Variants in CDH13 observed in about 807,000 individuals in gnomAD.
CDH13 encodes cadherin 13.
A neutral mutation model predicts 63.8 loss-of-function variants in CDH13; 24 were observed. That is an observed-to-expected ratio of 0.38 (90% CI 0.27 to 0.53). The LOEUF (loss-of-function observed/expected upper bound fraction) is 0.53, where lower values mean the gene tolerates loss of function less well. Among genes scored for constraint, CDH13 ranks in the 20% least tolerant of loss-of-function variants. CDH13 has a pLI of 0.85. For synonymous variants in CDH13, 503 were observed against 355.3 expected (o/e 1.42, Z -4.67); for missense variants, 1,049 against 903.1 (o/e 1.16, Z -2.07).
chr16:83,518,130 A>G (rs2074741915), intron 7 of CDH13, among the ~76,000 whole-genome samples: 1 of 128,360 alleles, frequency 7.8e-6, no homozygotes, highest in South Asian at 2.6e-4. Flanking sequence ...GTGAGATATC[A>G]TGAGATGTGA....
At chr16:83,698,061 C>T (rs190618664) in intron 10 of CDH13, among the ~76,000 whole-genome samples, 146 of 152,336 alleles carry the variant, frequency 9.6e-4, no homozygotes, top group Admixed American at 9.3e-3. Context: ...CTTGAGGGCA[C>T]GGACCATGTT....
At chr16:83,243,391 A>G (rs1012435133) in intron 5 of CDH13, among the ~76,000 whole-genome samples, 1 of 152,184 alleles carries the variant, frequency 6.6e-6, no homozygotes, top group African/African-American at 2.4e-5. Context: ...TTCCCTTTAT[A>G]AAAGCATCAG....
chr16:83,554,923 T>A (rs1206823062), intron 7 of CDH13, among the ~76,000 whole-genome samples: 1 of 75,182 alleles, frequency 1.3e-5, no homozygotes, highest in Non-Finnish European at 3.7e-5. Flanking sequence ...CTGAATCTTT[T>A]TTTTTTTTTT....
intron 3 of CDH13, among the ~76,000 whole-genome samples, chr16:83,080,145 G>T (rs1456396076): frequency 1.3e-5 from 2 of 152,162 alleles, no homozygotes; most frequent in Non-Finnish European, 2.9e-5. Flanking sequence ...AGTAACAAGT[G>T]ATGTGATGAT....
chr16:83,170,525 A>G (rs891612996), intron 4 of CDH13, among the ~76,000 whole-genome samples: 5 of 152,094 alleles, frequency 3.3e-5, no homozygotes, highest in East Asian at 1.9e-4. Flanking sequence ...ATTCCACTCT[A>G]TCAGCCTTTG....
At chr16:83,347,946 C>G (rs1476001537) in intron 6 of CDH13, among the ~76,000 whole-genome samples, 1 of 152,082 alleles carries the variant, frequency 6.6e-6, no homozygotes, top group African/African-American at 2.4e-5. Flanking sequence ...AATCCCAGTA[C>G]TTTGGGAGGC....
At chr16:83,196,073 T>G (rs1421822035) in intron 4 of CDH13, among the ~76,000 whole-genome samples, 1 of 152,062 alleles carries the variant, frequency 6.6e-6, no homozygotes, top group East Asian at 1.9e-4. Flanking sequence ...CTGGCCAACA[T>G]GGTGAAACCG....
At chr16:83,312,330 T>C (rs2090018930) in intron 5 of CDH13, among the ~76,000 whole-genome samples, 1 of 152,002 alleles carries the variant, frequency 6.6e-6, no homozygotes, top group Non-Finnish European at 1.5e-5. Flanking sequence ...ACTAAAGCAA[T>C]AGAATCATTG....
chr16:82,768,099 T>G (rs529577200), intron 1 of CDH13, among the ~76,000 whole-genome samples: 2 of 152,300 alleles, frequency 1.3e-5, no homozygotes, highest in African/African-American at 2.4e-5. Flanking sequence ...ATTGCTGTCA[T>G]GTGGAAGAAG....
At chr16:83,395,922 G>C (rs2091878665) in intron 6 of CDH13, among the ~76,000 whole-genome samples, 1 of 152,122 alleles carries the variant, frequency 6.6e-6, no homozygotes, top group African/African-American at 2.4e-5. Flanking sequence ...CTAATATTCA[G>C]TAGTTATTTT....
intron 3 of CDH13, among the ~76,000 whole-genome samples, chr16:83,105,030 G>T (rs79569167): frequency 6.6e-6 from 1 of 151,790 alleles, no homozygotes; most frequent in African/African-American, 2.4e-5. Flanking sequence ...TTTAAGTTCC[G>T]GGGTACACGC....
At chr16:82,779,927 C>T (rs114021958) in intron 1 of CDH13, among the ~76,000 whole-genome samples, 6 of 152,180 alleles carry the variant, frequency 3.9e-5, no homozygotes, top group African/African-American at 1.4e-4. Flanking sequence ...TCAAATACAT[C>T]TGCACATGTG....
chr16:83,286,438 A>G lies in CDH13; in HGVS notation c.637-58424A>G, dbSNP rs2089314875. On this transcript the variant is annotated intron_variant, in intron 5 of 13. Transcript: ENST00000567109. The stretch of plus-strand genomic sequence containing the variant: ...TCAGAGGCAGCTTTACAGATGTACA[A>G]ATTTGGGTGATAGAAGTTTCCGTTG... Among the ~76,000 whole-genome samples, 6 of 152,112 alleles carry G rather than the reference A, an allele frequency of 3.9e-5. No homozygotes were observed. The South Asian group carries it at 1.2e-3, about 32-fold the overall frequency.
intron 7 of CDH13, among the ~76,000 whole-genome samples, chr16:83,507,158 C>T (rs1041820087): frequency 1.3e-5 from 2 of 152,224 alleles, no homozygotes; most frequent in Non-Finnish European, 2.9e-5. Flanking sequence ...GTCTTCTTTG[C>T]ATGACTCAAT....
At chr16:82,790,609 T>A (rs9989405) in intron 1 of CDH13, among the ~76,000 whole-genome samples, 130,064 of 152,160 alleles carry the variant, frequency 0.85, 56,092 homozygotes, top group South Asian at 0.92. Context: ...TCACGTTGCT[T>A]TAAGGAAATA....
intron 2 of CDH13, among the ~76,000 whole-genome samples, chr16:82,956,923 T>G (rs1459385433): frequency 6.6e-6 from 1 of 152,180 alleles, no homozygotes; most frequent in Non-Finnish European, 1.5e-5. Context: ...GCAGGAGCAG[T>G]TCTAGATTGA....
intron 2 of CDH13, among the ~76,000 whole-genome samples, chr16:82,972,153 C>G (rs181393813): frequency 6.6e-6 from 1 of 152,248 alleles, no homozygotes; most frequent in East Asian, 1.9e-4. Context: ...TGATTAGGCA[C>G]AGAGCAGGAC....
intron 8 of CDH13, among the ~76,000 whole-genome samples, chr16:83,626,405 G>C (rs995352424): frequency 6.6e-6 from 1 of 152,154 alleles, no homozygotes; most frequent in Non-Finnish European, 1.5e-5. Flanking sequence ...AAGTGCTTAG[G>C]ATGTAGTTGG....
At chr16:83,368,668 A>T (rs536354227) in intron 6 of CDH13, among the ~76,000 whole-genome samples, 1 of 143,870 alleles carries the variant, frequency 7.0e-6, no homozygotes, top group South Asian at 2.3e-4. Context: ...ATCCGTTGCC[A>T]TGCCCAACCC....
Sources: gnomAD v4.1 joint callset for allele counts (sites outside exome capture counted in the v4.1 genomes callset) on GRCh38, gnomAD v4.1.1 for gene constraint, MANE v1.5 for transcripts, NCBI Gene and HGNC (gene_info 2026-07-23, HGNC 2026-07-21) for gene names.